Variants in SLC16A7 observed in about 807,000 individuals in gnomAD.
SLC16A7 encodes the protein solute carrier family 16 member 7.
Under a neutral mutation model 34.9 loss-of-function variants are expected in SLC16A7, and 33 were observed. That is an observed-to-expected ratio of 0.94 (90% CI 0.72 to 1.26). The LOEUF is 1.26. Ranked by LOEUF, SLC16A7 falls within the 50% of genes most tolerant of loss-of-function variation. The pLI is 0.00. For missense variants in SLC16A7, 573 were observed against 578.1 expected, an observed-to-expected ratio of 0.99 and a Z score of 0.09; for synonymous variants, 201 against 206.6, an observed-to-expected ratio of 0.97 and a Z score of 0.23.
chr12:59,677,202 T>C (rs1217757429), intron 2 of SLC16A7, among the ~76,000 whole-genome samples: 1 of 152,104 alleles, frequency 6.6e-6, no homozygotes, highest in Non-Finnish European at 1.5e-5. Flanking sequence ...AAAGACAAAA[T>C]CAGGGTTTGT....
intron 3 of SLC16A7, among the ~76,000 whole-genome samples, chr12:59,726,783 T>C (rs764755529): frequency 2.6e-5 from 4 of 152,072 alleles, no homozygotes; most frequent in Admixed American, 6.6e-5. Context: ...CAACCTCAAC[T>C]AAGCCCCTCC....
chr12:59,734,856 G>C (rs748972311), intron 3 of SLC16A7, among the ~76,000 whole-genome samples: 3 of 152,110 alleles, frequency 2.0e-5, no homozygotes, highest in Non-Finnish European at 4.4e-5. Context: ...GTTTCATTAG[G>C]TATATAGCTA....
intron 1 of SLC16A7, among the ~76,000 whole-genome samples, chr12:59,623,157 A>G (rs922470145): frequency 1.3e-5 from 2 of 150,580 alleles, no homozygotes; most frequent in African/African-American, 2.4e-5. Context: ...TTCATCTGTC[A>G]TGGCATTAGC....
chr12:59,639,512 T>C (rs923140191), intron 1 of SLC16A7, among the ~76,000 whole-genome samples: 4 of 152,102 alleles, frequency 2.6e-5, no homozygotes, highest in Admixed American at 2.6e-4. Flanking sequence ...GCTTCCCAAG[T>C]AGCTGGGACG....
At chr12:59,692,227 C>T (rs577553015) in intron 2 of SLC16A7, among the ~76,000 whole-genome samples, 2 of 152,048 alleles carry the variant, frequency 1.3e-5, no homozygotes, top group African/African-American at 4.8e-5. Flanking sequence ...CTCCCTCTGG[C>T]TCTTTTTGTT....
chr12:59,653,155 C>A (rs1868376082), intron 1 of SLC16A7, among the ~76,000 whole-genome samples: 1 of 151,558 alleles, frequency 6.6e-6, no homozygotes, highest in African/African-American at 2.4e-5. Context: ...TTTTGCAGAA[C>A]AAAATACTGT....
At chr12:59,739,025 T>A (rs1313407218) in intron 3 of SLC16A7, among the ~76,000 whole-genome samples, 1 of 131,026 alleles carries the variant, frequency 7.6e-6, no homozygotes, top group African/African-American at 3.5e-5. Flanking sequence ...TTTTCATTTA[T>A]TTATTTATTT....
chr12:59,620,570 C>T (rs951936486), intron 1 of SLC16A7, among the ~76,000 whole-genome samples: 6 of 151,818 alleles, frequency 4.0e-5, no homozygotes, highest in African/African-American at 4.8e-5. Flanking sequence ...TTCTTGGTTT[C>T]GTGAAAAGAA....
chr12:59,658,210 G>T (rs971008385), intron 2 of SLC16A7, among the ~76,000 whole-genome samples: 2 of 151,914 alleles, frequency 1.3e-5, no homozygotes, highest in African/African-American at 4.8e-5. Flanking sequence ...AATACGTGTG[G>T]TATCTTTGTG....
intron 2 of SLC16A7, among the ~76,000 whole-genome samples, chr12:59,680,181 GAAA>G: frequency 6.6e-6 from 1 of 152,314 alleles, no homozygotes; most frequent in East Asian, 1.9e-4. Flanking sequence ...CAAAGGACAG[GAAA>G]AGTGGAAACC....
At chr12:59,661,854 CT>C (rs1197966509) in intron 2 of SLC16A7, among the ~76,000 whole-genome samples, 1 of 151,900 alleles carries the variant, frequency 6.6e-6, no homozygotes, top group Non-Finnish European at 1.5e-5. Flanking sequence ...AAAGTGTTGC[CT>C]TTTTACATTA....
rs185176925 is a variant in SLC16A7 at position 59,673,280 on chromosome 12, C to A, written c.-31+18030C>A. ...GCTGAAATTGATGAATTGGTTTTGG[C>A]ATAATAAATATTGAGCTGTTATTTT... On this transcript the variant is annotated intron_variant, in intron 2 of 5. Transcript: ENST00000547379. 1.9e-3 allele frequency among the ~76,000 whole-genome samples: 282 copies of A among 152,168 alleles called. 1 individual carries two copies. The highest frequency in any genetic ancestry group is 6.0e-3 in the African/African-American group (249 of 41,524).
intron 2 of SLC16A7, among the ~76,000 whole-genome samples, chr12:59,667,557 G>C (rs1164328069): frequency 1.3e-5 from 2 of 152,190 alleles, no homozygotes; most frequent in Non-Finnish European, 2.9e-5. Context: ...TCTTGAGAGA[G>C]ATTAGGATAT....
intron 2 of SLC16A7, among the ~76,000 whole-genome samples, chr12:59,667,417 A>G (rs968567611): frequency 6.6e-5 from 10 of 152,200 alleles, no homozygotes; most frequent in Non-Finnish European, 2.9e-5. Flanking sequence ...GATATAGATG[A>G]TAAAGTCCAG....
At chr12:59,727,170 A>ATAAT (rs1555174538) in intron 3 of SLC16A7, among the ~76,000 whole-genome samples, 1 of 144,380 alleles carries the variant, frequency 6.9e-6, no homozygotes, top group African/African-American at 2.7e-5. Context: ...ATATATATAT[A>ATAAT]ATATATATAT....
chr12:59,743,542 C>T (rs1375251083), intron 3 of SLC16A7, among the ~76,000 whole-genome samples: 16 of 152,088 alleles, frequency 1.1e-4, no homozygotes, highest in Admixed American at 1.0e-3. Context: ...GAAAGATGCT[C>T]AGTAAATATG....
rs764411635 is a variant in SLC16A7 at position 59,704,866 on chromosome 12, T to G, written c.65T>G (p.Val22Gly). 1 of 1,613,960 alleles carries G rather than the reference T, an allele frequency of 6.2e-7. No homozygotes were observed. Among genetic ancestry groups the G allele is most frequent in the Non-Finnish European group, 8.5e-7 (1 of 1,179,918 alleles). ...CCAGATGGAGGATGGGGTTGGATTG[T>G]GGTTGGAGCAGCTTTTATCTCCATT... ...PPPDGGWGWI[V>G]VGAAFISIGF... The change falls in exon 3 of 6, where the codon GTG becomes GGG. Residue 22 changes from valine (V) to glycine (G), a missense_variant. Coordinates refer to ENST00000547379, the MANE Select transcript of SLC16A7 (RefSeq NM_001270623.2).
rs1592696014 is a variant in SLC16A7 at position 59,775,278 on chromosome 12, A to C, written c.983A>C (p.His328Pro). ...GCAATCATGTTCAATGGAGTGTGTC[A>C]CCTCTTGTGCCCACTGGCACAGGAC... is the stretch of plus-strand genomic sequence containing the variant. ...SFAIMFNGVC[H>P]LLCPLAQDYT... Residue 328 changes from histidine to proline, a missense_variant, in exon 5 of 6, where the codon CAC becomes CCC. His to Pro is a moderately conservative substitution (Grantham distance 77). Transcript: ENST00000547379. The C allele has an allele frequency of 6.2e-7, 1 of 1,614,088 alleles. No individual in the cohort carries two copies. The highest frequency in any genetic ancestry group is 8.5e-7 in the Non-Finnish European group (1 of 1,179,966).
At chr12:59,630,101 C>G (rs1456457904) in intron 1 of SLC16A7, among the ~76,000 whole-genome samples, 1 of 151,820 alleles carries the variant, frequency 6.6e-6, no homozygotes, top group East Asian at 1.9e-4. Context: ...TTGCGATACA[C>G]CCTGACTCTC....
Sources: gnomAD v4.1 joint callset for allele counts (sites outside exome capture counted in the v4.1 genomes callset) on GRCh38, gnomAD v4.1.1 for gene constraint, MANE v1.5 for transcripts, NCBI Gene and HGNC (gene_info 2026-07-23, HGNC 2026-07-21) for gene names.